The following GABRA1 variants were observed in gnomAD, a reference collection of about 807,000 sequenced individuals.
GABRA1 encodes the protein gamma-aminobutyric acid type A receptor subunit alpha1.
GABRA1 carries 9 observed loss-of-function variants against 48.9 expected under a neutral mutation model. The observed-to-expected ratio is 0.18, with a 90% CI of 0.11 to 0.32. GABRA1 has a LOEUF of 0.32. Ranked by LOEUF, GABRA1 falls within the 10% of genes least tolerant of loss-of-function variation. The pLI, the probability that GABRA1 is intolerant of heterozygous loss-of-function variation, is 1.00. For missense variants in GABRA1, 285 were observed against 553.8 expected (o/e 0.51, Z 4.87); for synonymous variants, 210 against 198.7 (o/e 1.06, Z -0.48).
chr5:161,857,822 C>T (rs184993399), intron 3 of GABRA1, among the ~76,000 whole-genome samples: 1 of 151,438 alleles, frequency 6.6e-6, no homozygotes, highest in African/African-American at 2.4e-5. Flanking sequence ...TGTCCATAAT[C>T]ACTTTATTTG....
intron 7 of GABRA1, among the ~76,000 whole-genome samples, chr5:161,888,869 G>A (rs1036209557): frequency 6.6e-6 from 1 of 151,948 alleles, no homozygotes; most frequent in Non-Finnish European, 1.5e-5. Flanking sequence ...AGATTCTTAT[G>A]AATTTTGTTT....
At chr5:161,891,197 A>G in intron 8 of GABRA1, 147 bp downstream of exon 8, 3 of 758,706 alleles carry the variant, frequency 4.0e-6, no homozygotes, top group Non-Finnish European at 4.5e-6. Flanking sequence ...TGCCACTCTC[A>G]TTATGGTATA....
intron 4 of GABRA1, among the ~76,000 whole-genome samples, chr5:161,866,402 T>C (rs1439439652): frequency 6.6e-6 from 1 of 152,066 alleles, no homozygotes; most frequent in Non-Finnish European, 1.5e-5. Flanking sequence ...TGATGGGAGT[T>C]ATAGAGCTCT....
rs1001763633 is a variant in GABRA1, at chr5:161,897,045, TC to T, written c.1060-65del. Reference sequence around the variant, plus strand: ...GGCTGCAAAATAAGGGCCACCTTGCTCAGCAACTTATAATTTTGCTTCTCAC... The same window carrying T: ...GGCTGCAAAATAAGGGCCACCTTGCTAGCAACTTATAATTTTGCTTCTCAC... On this transcript the variant is annotated intron_variant, in intron 9 of 9. Coordinates refer to ENST00000393943, the MANE Select transcript of GABRA1 (RefSeq NM_001127644.2). 1.2e-5 allele frequency: 18 copies of T among 1,491,456 alleles called. No individual in the cohort carries two copies. In the Admixed American group the frequency reaches 3.0e-4, roughly 25 times the overall value. 92.4% of individuals were successfully genotyped at this position (1,491,456 alleles called of 1,614,324 possible). A position where few individuals can be genotyped will look rare whatever the true frequency, so the allele number is the denominator to read the frequency against.
At chr5:161,860,058 A>C (rs1432355964) in intron 3 of GABRA1, among the ~76,000 whole-genome samples, 2 of 151,866 alleles carry the variant, frequency 1.3e-5, no homozygotes, top group East Asian at 3.9e-4. Flanking sequence ...CTGTACCTAG[A>C]CATTTCATAA....
chr5:161,889,070 A>T (rs999700690), intron 7 of GABRA1, among the ~76,000 whole-genome samples: 2 of 152,088 alleles, frequency 1.3e-5, no homozygotes, highest in Non-Finnish European at 2.9e-5. Context: ...ATAAATATAT[A>T]CAAGAGATAT....
At chr5:161,893,009 A>AATAATAAT (rs3078111) in intron 8 of GABRA1, among the ~76,000 whole-genome samples, 3,437 of 122,384 alleles carry the variant, frequency 0.028, 77 homozygotes, top group South Asian at 0.035. Flanking sequence ...CTTCTCAAAA[A>AATAATAAT]AATAATAATA....
At chr5:161,858,993 A>G (rs1757752855) in intron 3 of GABRA1, among the ~76,000 whole-genome samples, 1 of 151,798 alleles carries the variant, frequency 6.6e-6, no homozygotes, top group Non-Finnish European at 1.5e-5. Context: ...CAGATGATAG[A>G]GAAGTAAGAT....
At chr5:161,865,493 A>G (rs1233166365) in intron 3 of GABRA1, among the ~76,000 whole-genome samples, 1 of 152,154 alleles carries the variant, frequency 6.6e-6, no homozygotes, top group Non-Finnish European at 1.5e-5. Flanking sequence ...TGAGTTTTCC[A>G]TAAAGTCTGC....
At position 161,897,295 on chromosome 5, in the gene GABRA1, G is replaced by C. The variant is rs752803296; in HGVS notation, c.1244G>C (p.Ser415Thr). The part of the protein sequence containing the change: ...KPPEPKKTFN[S>T]VSKIDRLSRI... ...CCAGAACCCAAGAAAACCTTTAACAGTGTCAGCAAAATTGACCGACTGTCA... is the reference window on the plus strand; with the variant it reads ...CCAGAACCCAAGAAAACCTTTAACACTGTCAGCAAAATTGACCGACTGTCA... The change falls in exon 10 of 10, where the codon AGT becomes ACT. Residue 415 changes from serine to threonine, a missense_variant. By Grantham distance (58) the Ser-to-Thr change is moderately conservative (BLOSUM62 1). Transcript: ENST00000393943. The C allele has an allele frequency of 1.9e-6, 3 of 1,614,154 alleles. No individual in the cohort carries two copies. The highest frequency in any genetic ancestry group is 2.5e-6 in the Non-Finnish European group (3 of 1,180,026).
chr5:161,871,296 G>A (rs1377078821), intron 4 of GABRA1, among the ~76,000 whole-genome samples: 1 of 152,076 alleles, frequency 6.6e-6, no homozygotes, highest in Non-Finnish European at 1.5e-5. Flanking sequence ...GTCACCTTCA[G>A]CATCCTTGGA....
Position 161,850,854 on chromosome 5 carries a change from T to C in GABRA1, c.44T>C (p.Ile15Thr). The part of the protein sequence containing the change: ...PGLSDCLWAW[I>T]LLLSTLTGRS... ...CTGTCTGACTGTCTTTGGGCCTGGA[T>C]CCTCCTTCTGAGCACACTGACTGGA... The change falls in exon 2 of 10, where the codon ATC (isoleucine) becomes ACC (threonine). Residue 15 changes from isoleucine to threonine, a missense_variant. This residue lies in a region of GABRA1 where 45 missense variants were observed against 39.9 expected (regional missense o/e 1.13). Coordinates refer to ENST00000393943, the MANE Select transcript of GABRA1 (RefSeq NM_001127644.2). 1.2e-6 allele frequency: 2 copies of C among 1,614,050 alleles called. No homozygotes were observed. Among genetic ancestry groups the C allele is most frequent in the Non-Finnish European group, 1.7e-6 (2 of 1,179,924 alleles).
chr5:161,893,736 T>C (rs1453348712), intron 8 of GABRA1, among the ~76,000 whole-genome samples: 1 of 152,160 alleles, frequency 6.6e-6, no homozygotes, highest in African/African-American at 2.4e-5. Context: ...ATTGGCAAAT[T>C]TACTTCCTCT....
At position 161,897,348 on chromosome 5, in the gene GABRA1, A is replaced by G. The variant is rs1057518405; in HGVS notation, c.1297A>G (p.Ile433Val). 38 of 1,614,174 alleles carry G rather than the reference A, an allele frequency of 2.4e-5. No homozygotes were observed. Among genetic ancestry groups the G allele is most frequent in the Non-Finnish European group, 3.1e-5 (37 of 1,180,008 alleles). The change falls in exon 10 of 10, where the codon ATC becomes GTC. Residue 433 changes from isoleucine to valine, a missense_variant. This residue lies in a region of GABRA1 where 6 missense variants were observed against 22.0 expected (regional missense o/e 0.27). Coordinates refer to ENST00000393943, the MANE Select transcript of GABRA1 (RefSeq NM_001127644.2). ...SRIAFPLLFG[I>V]FNLVYWATYL... ...AATAGCCTTCCCGCTGCTATTTGGAATCTTTAACTTAGTCTACTGGGCTAC... is the reference window on the plus strand; with the variant it reads ...AATAGCCTTCCCGCTGCTATTTGGAGTCTTTAACTTAGTCTACTGGGCTAC...
chr5:161,873,474 T>C, intron 5 of GABRA1, 137 bp downstream of exon 5: 1 of 750,034 alleles, frequency 1.3e-6, no homozygotes, highest in Admixed American at 2.0e-5. Context: ...TAAAAATCTC[T>C]CCAACCTGTT....
At chr5:161,882,312 C>T in intron 6 of GABRA1, 1 of 539,690 alleles carries the variant, frequency 1.9e-6, no homozygotes, top group East Asian at 3.3e-5. Context: ...CTACTGTATC[C>T]CCAGCACAGT....
rs140022551 is a variant in GABRA1 at position 161,893,310 on chromosome 5, A to T, written c.856+2260A>T. On this transcript the variant is annotated intron_variant, in intron 8 of 9. Transcript: ENST00000393943. ...ATATGTCTGTAAACTTAGTTGTGAC[A>T]AGTATTTTTGTGTTTCAAGTTTTAT... Among the ~76,000 whole-genome samples the T allele has an allele frequency of 3.6e-3, 544 of 152,196 alleles. 2 individuals are homozygous for T. The highest frequency in any genetic ancestry group is 0.012 in the African/African-American group (515 of 41,540).
intron 5 of GABRA1, among the ~76,000 whole-genome samples, chr5:161,874,607 A>G (rs1233507426): frequency 6.6e-6 from 1 of 152,138 alleles, no homozygotes; most frequent in Non-Finnish European, 1.5e-5. Flanking sequence ...TTCATCTCCT[A>G]AAATTTTCCT....
chr5:161,861,169 A>G (rs2113336676), intron 3 of GABRA1, among the ~76,000 whole-genome samples: 1 of 151,938 alleles, frequency 6.6e-6, no homozygotes, highest in African/African-American at 2.4e-5. Flanking sequence ...TGAATGTGAA[A>G]TAGGGTGCCT....
Sources: gnomAD v4.1 joint callset for allele counts (sites outside exome capture counted in the v4.1 genomes callset) on GRCh38, gnomAD v4.1.1 for gene constraint, gnomAD v4.1.1 regional missense constraint, MANE v1.5 for transcripts, NCBI Gene and HGNC (gene_info 2026-07-23, HGNC 2026-07-21) for gene names.